WDPCP: variants seen among roughly 807,000 people sequenced by gnomAD.
WDPCP encodes the protein WD repeat-containing and planar cell polarity effector protein fritz homolog.
WDPCP carries 71 observed loss-of-function variants against 93.1 expected under a neutral mutation model. The ratio of observed to expected loss-of-function variants is 0.76; its 90% CI spans 0.63 to 0.93. The LOEUF is 0.93. Among genes scored for constraint, WDPCP ranks in the 40% least tolerant of loss-of-function variants. WDPCP has a pLI of 0.00. For synonymous variants in WDPCP, 315 were observed against 315.0 expected, an observed-to-expected ratio of 1.00 and a Z score of 0.00; for missense variants, 844 against 887.4, an observed-to-expected ratio of 0.95 and a Z score of 0.62.
chr2:63,409,769 G>A (rs1015017904), intron 9 of WDPCP, among the ~76,000 whole-genome samples: 7 of 152,222 alleles, frequency 4.6e-5, no homozygotes, highest in South Asian at 2.1e-4. Flanking sequence ...AAGTATCAGC[G>A]ATAGCATTAA....
At chr2:63,649,927 G>C (rs1710091135) in intron 3 of WDPCP, among the ~76,000 whole-genome samples, 1 of 152,210 alleles carries the variant, frequency 6.6e-6, no homozygotes. Context: ...TATTTGGCCA[G>C]AGAGGCTTAA....
intron 14 of WDPCP, among the ~76,000 whole-genome samples, chr2:63,238,357 C>T (rs937756428): frequency 7.2e-5 from 11 of 151,914 alleles, no homozygotes; most frequent in African/African-American, 1.9e-4. Context: ...TCTTGAAACA[C>T]GGCTCATGTG....
intron 2 of WDPCP, among the ~76,000 whole-genome samples, chr2:63,688,192 C>T (rs1270597772): frequency 2.0e-5 from 3 of 152,052 alleles, no homozygotes; most frequent in African/African-American, 7.2e-5. Context: ...TTTGGGAGGC[C>T]GAGGCGGGCA....
chr2:63,405,459 A>G (rs981748611), intron 9 of WDPCP, among the ~76,000 whole-genome samples: 4 of 152,064 alleles, frequency 2.6e-5, no homozygotes, highest in Non-Finnish European at 2.9e-5. Context: ...TATGTGGGAA[A>G]TCTATGTAAA....
intron 2 of WDPCP, among the ~76,000 whole-genome samples, chr2:63,713,317 A>G (rs1337958905): frequency 6.6e-6 from 1 of 152,168 alleles, no homozygotes; most frequent in Non-Finnish European, 1.5e-5. Context: ...CTCCCTTACC[A>G]AGACAAGTTC....
chr2:63,592,647 G>A (rs983709152), upstream of WDPCP, among the ~76,000 whole-genome samples: 1 of 152,210 alleles, frequency 6.6e-6, no homozygotes, highest in South Asian at 2.1e-4. Flanking sequence ...ACTGCACTCA[G>A]CCTGAAATAG....
chr2:63,300,481 T>C (rs940278055), intron 13 of WDPCP, among the ~76,000 whole-genome samples: 1 of 152,152 alleles, frequency 6.6e-6, no homozygotes, highest in African/African-American at 2.4e-5. Context: ...AATGAATATT[T>C]CTTCTGGCCA....
intron 1 of WDPCP, among the ~76,000 whole-genome samples, chr2:63,520,896 CAAAAAA>C (rs3051721): frequency 1.0e-5 from 1 of 99,800 alleles, no homozygotes; most frequent in African/African-American, 4.4e-5. Flanking sequence ...GACCCTATCT[CAAAAAA>C]AAAAAAAAAA....
chr2:63,717,607 A>T lies in WDPCP; in HGVS notation n.309-66769T>A, dbSNP rs1000072000. ...TACCTGTCAGTGAGAGTTTGCTCTG[A>T]AACACCTGCCTAGTGACCCCATGTT... On this transcript the variant is annotated intron_variant and non_coding_transcript_variant, in intron 2 of 4. Transcript: ENST00000467687. 1.9e-5 allele frequency: 10 copies of T among 527,000 alleles called. No homozygotes were observed. In the African/African-American group the frequency reaches 1.9e-4, roughly 10 times the overall value. The allele number at this position is 527,000 out of a possible 1,614,324, so 32.6% of individuals were successfully genotyped here. A position where few individuals can be genotyped will look rare whatever the true frequency, so the allele number is the denominator to read the frequency against.
At chr2:63,191,167 C>T (rs958735554) in intron 14 of WDPCP, among the ~76,000 whole-genome samples, 5 of 152,020 alleles carry the variant, frequency 3.3e-5, no homozygotes, top group African/African-American at 4.8e-5. Flanking sequence ...CTGAGGCAGG[C>T]GGATCACAAG....
chr2:63,130,047 C>T (rs1670189580), intron 17 of WDPCP, among the ~76,000 whole-genome samples: 1 of 152,088 alleles, frequency 6.6e-6, no homozygotes. Flanking sequence ...TGTATTTTCT[C>T]CTGTTGTGTG....
intron 1 of WDPCP, among the ~76,000 whole-genome samples, chr2:63,569,743 T>G (rs1004225790): frequency 3.9e-5 from 6 of 152,076 alleles, no homozygotes; most frequent in African/African-American, 1.2e-4. Context: ...GATAACTATT[T>G]CCCCCCAAAT....
chr2:63,352,142 T>G (rs898276339), intron 12 of WDPCP, among the ~76,000 whole-genome samples: 1 of 152,204 alleles, frequency 6.6e-6, no homozygotes, highest in African/African-American at 2.4e-5. Context: ...TTGATTTGTT[T>G]AATTTCCTTA....
intron 14 of WDPCP, among the ~76,000 whole-genome samples, chr2:63,191,212 G>A (rs942124987): frequency 6.6e-6 from 1 of 152,138 alleles, no homozygotes; most frequent in African/African-American, 2.4e-5. Context: ...ATAACACGGT[G>A]AAACCCTGTG....
intron 14 of WDPCP, among the ~76,000 whole-genome samples, chr2:63,200,928 T>C (rs1385276514): frequency 1.3e-5 from 2 of 152,124 alleles, no homozygotes; most frequent in African/African-American, 4.8e-5. Flanking sequence ...TGATTGTGTT[T>C]TGAAATGTGA....
At chr2:63,712,564 A>G (rs1465005079) in intron 2 of WDPCP, among the ~76,000 whole-genome samples, 1 of 152,176 alleles carries the variant, frequency 6.6e-6, no homozygotes, top group Non-Finnish European at 1.5e-5. Context: ...TCTATGAACT[A>G]CATCTTCCTG....
chr2:63,400,674 A>G (rs1241005575), intron 10 of WDPCP, among the ~76,000 whole-genome samples: 1 of 152,210 alleles, frequency 6.6e-6, no homozygotes, highest in Non-Finnish European at 1.5e-5. Context: ...AAAGGAGCCC[A>G]TATAGCCAAG....
intron 17 of WDPCP, among the ~76,000 whole-genome samples, chr2:63,136,407 G>C (rs1670621785): frequency 6.6e-6 from 1 of 151,932 alleles, no homozygotes; most frequent in Admixed American, 6.6e-5. Flanking sequence ...TGAGAGAGAG[G>C]AAGAGAAAGA....
chr2:63,817,003 G>A (rs765498656), intron 1 of WDPCP, among the ~76,000 whole-genome samples: 4 of 152,134 alleles, frequency 2.6e-5, no homozygotes, highest in Non-Finnish European at 5.9e-5. Flanking sequence ...AGGCATGAAA[G>A]CAATTTCTGG....
Sources: gnomAD v4.1 joint callset for allele counts (sites outside exome capture counted in the v4.1 genomes callset) on GRCh38, gnomAD v4.1.1 for gene constraint, MANE v1.5 for transcripts, NCBI Gene and HGNC (gene_info 2026-07-23, HGNC 2026-07-21) for gene names.